KIF26B: variants seen among roughly 807,000 people sequenced by gnomAD.
KIF26B encodes kinesin family member 26B.
Under a neutral mutation model 151.2 loss-of-function variants are expected in KIF26B, and 63 were observed. The observed-to-expected ratio is 0.42, with a 90% confidence interval of 0.34 to 0.51. The LOEUF is 0.51. Among genes scored for constraint, KIF26B ranks in the 20% least tolerant of loss-of-function variants. The pLI is 0.07. For missense variants in KIF26B, 2,813 were observed against 2,913.6 expected, an observed-to-expected ratio of 0.97 and a Z score of 0.79; for synonymous variants, 1,357 against 1,262.1, an observed-to-expected ratio of 1.08 and a Z score of -1.59.
At chr1:245,701,329 A>ATTAT (rs2044769396) in intron 14 of KIF26B, among the ~76,000 whole-genome samples, 1 of 152,152 alleles carries the variant, frequency 6.6e-6, no homozygotes, top group African/African-American at 2.4e-5. Context: ...TTTTAGTTCT[A>ATTAT]TTATTTCTTC....
chr1:245,687,935 G>T lies in KIF26B; in HGVS notation c.4952G>T (p.Ser1651Ile). ...PSGKTKDASS[S>I]SKLFSAKLEQ... Reference sequence around the variant, plus strand: ...GGCAAGACGAAGGACGCCAGCAGCAGCAGCAAGCTCTTCAGTGCCAAGCTG... The same window carrying T: ...GGCAAGACGAAGGACGCCAGCAGCATCAGCAAGCTCTTCAGTGCCAAGCTG... Residue 1651 changes from serine to isoleucine, a missense_variant, in exon 12 of 15, where the codon AGC (serine) becomes ATC (isoleucine). Around this residue, in one of 3 missense-constraint regions of KIF26B, gnomAD observed 2,060 missense variants for 2,088.6 expected, o/e 0.99. Coordinates refer to ENST00000407071, the MANE Select transcript of KIF26B (RefSeq NM_018012.4). The surrounding 1 kb of genome is among the most constrained non-coding windows in gnomAD (Gnocchi z 4.9). The T allele has an allele frequency of 6.3e-7, 1 of 1,594,726 alleles. No individual in the cohort carries two copies. Among genetic ancestry groups the T allele is most frequent in the Non-Finnish European group, 8.5e-7 (1 of 1,172,490 alleles).
intron 2 of KIF26B, among the ~76,000 whole-genome samples, chr1:245,323,203 G>T (rs1022245715): frequency 6.6e-6 from 1 of 152,180 alleles, no homozygotes; most frequent in Non-Finnish European, 1.5e-5. Context: ...GATTTGTGTA[G>T]ATATGTGTGG....
At chr1:245,283,690 ATT>A (rs35386952) in intron 2 of KIF26B, among the ~76,000 whole-genome samples, 2 of 141,676 alleles carry the variant, frequency 1.4e-5, no homozygotes. Flanking sequence ...AAGCTTGAGA[ATT>A]TTTTTTTTTT....
At position 245,465,072 on chromosome 1, in the gene KIF26B, G is replaced by A. The variant is rs1184631951; in HGVS notation, c.1166+45327G>A. 4.1e-5 allele frequency among the ~76,000 whole-genome samples: 6 copies of A among 147,934 alleles called. No homozygotes were observed. The South Asian group carries it at 6.6e-4, about 16-fold the overall frequency. On this transcript the variant is annotated intron_variant, in intron 4 of 14. Transcript: ENST00000407071. ...CGGCTCACTGCAAGCTCCGCCTCCC[G>A]GGTTCACGCCATTCTCCTGCCTCAG...
rs148982065 is a variant in KIF26B at position 245,377,710 on chromosome 1, C to T, written c.999+10343C>T. On this transcript the variant is annotated intron_variant, in intron 3 of 14. Coordinates refer to ENST00000407071, the MANE Select transcript of KIF26B (RefSeq NM_018012.4). ...AAGTTGCAGAGGTAAAAGGTACATG[C>T]GGGCTCTTTCCTTGCTGAACCACTT... is the stretch of plus-strand genomic sequence containing the variant. Among the ~76,000 whole-genome samples the T allele has an allele frequency of 2.8e-3, 422 of 152,196 alleles. 3 individuals carry two copies. Among genetic ancestry groups the T allele is most frequent in the African/African-American group, 9.8e-3 (405 of 41,520 alleles).
At chr1:245,574,002 C>T (rs1290014514) in intron 5 of KIF26B, among the ~76,000 whole-genome samples, 1 of 152,206 alleles carries the variant, frequency 6.6e-6, no homozygotes, top group Non-Finnish European at 1.5e-5. Context: ...TTAATATTTT[C>T]AGACTAAGGT....
intron 4 of KIF26B, among the ~76,000 whole-genome samples, chr1:245,452,379 T>C (rs1037603515): frequency 1.3e-5 from 2 of 152,354 alleles, no homozygotes; most frequent in East Asian, 3.9e-4. Context: ...TTGGCTATTA[T>C]GTAAGTAATG....
At chr1:245,594,049 T>A (rs1423834989) in intron 5 of KIF26B, among the ~76,000 whole-genome samples, 1 of 152,246 alleles carries the variant, frequency 6.6e-6, no homozygotes, top group African/African-American at 2.4e-5. Flanking sequence ...TTTAAGTTCT[T>A]TGTAGATTCT....
At chr1:245,485,838 A>T (rs1490214708) in intron 4 of KIF26B, among the ~76,000 whole-genome samples, 2 of 152,228 alleles carry the variant, frequency 1.3e-5, no homozygotes, top group Non-Finnish European at 2.9e-5. Context: ...CACACGAGTG[A>T]TGCTGACATT....
intron 4 of KIF26B, among the ~76,000 whole-genome samples, chr1:245,425,359 A>G (rs768830573): frequency 3.3e-5 from 5 of 152,160 alleles, no homozygotes; most frequent in Non-Finnish European, 7.4e-5. Flanking sequence ...GTGACCTCAT[A>G]TCTTTGCATT....
At chr1:245,670,975 T>C (rs1572191089) in intron 10 of KIF26B, among the ~76,000 whole-genome samples, 1 of 152,166 alleles carries the variant, frequency 6.6e-6, no homozygotes, top group Admixed American at 6.6e-5. Context: ...CTATTAACCA[T>C]CCCCACATCC....
At chr1:245,273,565 A>G (rs180696563) in intron 2 of KIF26B, among the ~76,000 whole-genome samples, 73 of 152,026 alleles carry the variant, frequency 4.8e-4, no homozygotes, top group African/African-American at 1.7e-3. Context: ...ATGCATATTT[A>G]TAATTGTTGT....
chr1:245,483,791 G>T (rs542674406), intron 4 of KIF26B, among the ~76,000 whole-genome samples: 1 of 151,940 alleles, frequency 6.6e-6, no homozygotes, highest in South Asian at 2.1e-4. Context: ...AAACCTCCAA[G>T]CTCTAATCTT....
chr1:245,519,413 G>A (rs561458005), intron 4 of KIF26B, among the ~76,000 whole-genome samples: 1 of 152,196 alleles, frequency 6.6e-6, no homozygotes, highest in South Asian at 2.1e-4. Context: ...AATTAGCCAG[G>A]TGTGATGGTG....
rs1261359638 is a variant in KIF26B, at chr1:245,540,729, C to T, written c.1167-38C>T. 7 of 1,565,576 alleles carry T rather than the reference C, an allele frequency of 4.5e-6. No individual in the cohort carries two copies. The South Asian group carries it at 7.8e-5, about 17-fold the overall frequency. On this transcript the variant is annotated intron_variant, in intron 4 of 14. Transcript: ENST00000407071. The surrounding 1 kb of genome is among the most constrained non-coding windows in gnomAD (Gnocchi z 4.6). ...AGTAAGCCTAGCAGATCTGATCGTA[C>T]AATCATTTTCCCCTTATTGTTCCTT...
intron 4 of KIF26B, among the ~76,000 whole-genome samples, chr1:245,451,686 T>C (rs1327971852): frequency 6.9e-6 from 1 of 145,034 alleles, no homozygotes; most frequent in Non-Finnish European, 1.5e-5. Flanking sequence ...CTGCAACCTC[T>C]GCCTCCTGGG....
At chr1:245,587,531 G>A (rs539197102) in intron 5 of KIF26B, among the ~76,000 whole-genome samples, 17 of 152,224 alleles carry the variant, frequency 1.1e-4, no homozygotes, top group Admixed American at 5.9e-4. Context: ...CCATTGTTCC[G>A]TCCCGTCTGT....
chr1:245,435,091 CCATCTCTCCA>C (rs1658881141), intron 4 of KIF26B, among the ~76,000 whole-genome samples: 1 of 120,670 alleles, frequency 8.3e-6, no homozygotes, highest in East Asian at 2.6e-4. Flanking sequence ...ATCCATCCAT[CCATCTCTCCA>C]TCCATCCATC....
At chr1:245,594,654 CT>C (rs1384959073) in intron 5 of KIF26B, among the ~76,000 whole-genome samples, 2 of 152,088 alleles carry the variant, frequency 1.3e-5, no homozygotes, top group African/African-American at 4.8e-5. Flanking sequence ...TATATGGGCT[CT>C]TTTTTGGTTC....
Sources: gnomAD v4.1 joint callset for allele counts (sites outside exome capture counted in the v4.1 genomes callset) on GRCh38, gnomAD v4.1.1 for gene constraint, gnomAD v4.1.1 regional missense constraint, Gnocchi (gnomAD v3.1) non-coding constraint, MANE v1.5 for transcripts, NCBI Gene and HGNC (gene_info 2026-07-23, HGNC 2026-07-21) for gene names.